The following SLC7A9 variants were observed in gnomAD, a reference collection of about 807,000 sequenced individuals.
The protein encoded by SLC7A9 is B(0,+)-type amino acid transporter 1.
In SLC7A9, 38 loss-of-function variants were observed where a neutral mutation model predicts 54.1. That is an observed-to-expected ratio of 0.70 (90% confidence interval 0.54 to 0.92). SLC7A9 has a LOEUF of 0.92. Among genes scored for constraint, SLC7A9 ranks in the 40% least tolerant of loss-of-function variants. The pLI is 0.00. For missense variants in SLC7A9, 537 were observed against 636.1 expected (o/e 0.84, Z 1.68); for synonymous variants, 264 against 258.9 (o/e 1.02, Z -0.19).
rs1254632684 is a variant in SLC7A9 at position 32,862,199 on chromosome 19, T to C, written c.623A>G (p.Asp208Gly). The change falls in exon 6 of 13, where the codon GAT (aspartate) becomes GGT (glycine). Residue 208 changes from aspartate to glycine, a missense_variant. Physicochemically the swap from Asp to Gly is moderately conservative, Grantham distance 94. Coordinates refer to ENST00000023064, the MANE Select transcript of SLC7A9 (RefSeq NM_014270.5). ...LLAQGNTKNF[D>G]NSFEGAQLSV... is the part of the protein sequence containing the mutation. ...CAGCTGGGCGCCCTCGAAAGAATTA[T>C]CAAAATTCTTTGTGTTTCCTGTAAT... The C allele has an allele frequency of 1.2e-6, 2 of 1,613,908 alleles. No individual in the cohort carries two copies. Among genetic ancestry groups the C allele is most frequent in the East Asian group, 2.2e-5 (1 of 44,888 alleles).
intron 9 of SLC7A9, among the ~76,000 whole-genome samples, chr19:32,847,297 A>G (rs956390583): frequency 7.9e-5 from 12 of 152,204 alleles, no homozygotes; most frequent in Non-Finnish European, 1.8e-4. Flanking sequence ...AAAAAAAATT[A>G]GACAAATGGA....
chr19:32,856,214 A>T (rs573993530), intron 9 of SLC7A9, among the ~76,000 whole-genome samples: 53 of 143,286 alleles, frequency 3.7e-4, no homozygotes, highest in Non-Finnish European at 6.5e-4. Context: ...TTTTTTTCTG[A>T]GACGGAGTCT....
intron 9 of SLC7A9, among the ~76,000 whole-genome samples, chr19:32,857,916 G>C (rs548649374): frequency 4.5e-4 from 69 of 152,326 alleles, no homozygotes; most frequent in African/African-American, 1.6e-3. Context: ...ATCTGTGACA[G>C]AGGTTTATGC....
intron 9 of SLC7A9, among the ~76,000 whole-genome samples, chr19:32,850,246 C>T (rs1039012314): frequency 1.3e-5 from 2 of 149,200 alleles, no homozygotes; most frequent in Non-Finnish European, 3.0e-5. Context: ...CAAATTGTCC[C>T]TGTTTGCAGA....
At chr19:32,869,166 T>C (rs1020711239) in intron 1 of SLC7A9, among the ~76,000 whole-genome samples, 4 of 151,724 alleles carry the variant, frequency 2.6e-5, no homozygotes, top group Non-Finnish European at 5.9e-5. Context: ...GAGGCTGCAG[T>C]GAGCCAAGAT....
At chr19:32,859,139 G>A (rs539418999) in intron 8 of SLC7A9, among the ~76,000 whole-genome samples, 8 of 151,846 alleles carry the variant, frequency 5.3e-5, no homozygotes, top group South Asian at 2.1e-4. Flanking sequence ...TTGCTCTGTC[G>A]CCCAGGCTGG....
intron 11 of SLC7A9, among the ~76,000 whole-genome samples, chr19:32,837,654 A>G (rs1968001943): frequency 6.6e-6 from 1 of 152,172 alleles, no homozygotes; most frequent in South Asian, 2.1e-4. Context: ...TTGTTGACCA[A>G]TGACTGCCTT....
At chr19:32,837,195 T>A (rs922192780) in intron 11 of SLC7A9, among the ~76,000 whole-genome samples, 2 of 152,100 alleles carry the variant, frequency 1.3e-5, no homozygotes, top group African/African-American at 4.8e-5. Flanking sequence ...AAATTCACCA[T>A]AGGAAACCTC....
chr19:32,854,877 T>A (rs2145831028), intron 9 of SLC7A9, among the ~76,000 whole-genome samples: 1 of 152,250 alleles, frequency 6.6e-6, no homozygotes, highest in East Asian at 1.9e-4. Flanking sequence ...CGTGAGCCAC[T>A]GCACCTGGCC....
intron 8 of SLC7A9, among the ~76,000 whole-genome samples, chr19:32,859,496 C>T (rs1968729041): frequency 6.6e-6 from 1 of 152,096 alleles, no homozygotes; most frequent in South Asian, 2.1e-4. Context: ...GACCCCAATG[C>T]CTCTCACCTC....
At chr19:32,832,820 G>A (rs1967843769) in intron 12 of SLC7A9, 1 of 312,386 alleles carries the variant, frequency 3.2e-6, no homozygotes, top group African/African-American at 2.2e-5. Flanking sequence ...CAGGTGGGAG[G>A]ATGGCTTGAG....
In SLC7A9 at chr19:32,844,857, C is replaced by CAAAAAAA. The variant is rs386388892; in HGVS notation, c.978-913_978-907dup. Among the ~76,000 whole-genome samples the CAAAAAAA allele has an allele frequency of 1.1e-3, 34 of 30,314 alleles. 6 individuals carry two copies. Among genetic ancestry groups the CAAAAAAA allele is most frequent in the Admixed American group, 1.4e-3 (2 of 1,420 alleles). 19.9% of individuals were successfully genotyped at this position (30,314 alleles called of 152,430 possible). A position where few individuals can be genotyped will look rare whatever the true frequency, so the allele number is the denominator to read the frequency against. On this transcript the variant is annotated intron_variant, in intron 9 of 12. Transcript: ENST00000023064. ...TGGACGACAGAGTGAGAATCCATCT[C>CAAAAAAA]AAAAAAAAAAAAAAAAAAAAAAAAA...
intron 4 of SLC7A9, 32 bp from the exon 5 acceptor site, chr19:32,862,618 G>A: frequency 6.2e-7 from 1 of 1,612,050 alleles, no homozygotes; most frequent in Non-Finnish European, 8.5e-7. Flanking sequence ...CTGCATTTAT[G>A]GTTTTCAGCA....
rs185844362 is a variant in SLC7A9, at chr19:32,846,473, G to A, written c.978-2522C>T. 7.6e-3 allele frequency among the ~76,000 whole-genome samples: 1,160 copies of A among 152,332 alleles called. 6 individuals are homozygous for A. The highest frequency in any genetic ancestry group is 0.021 in the Admixed American group (323 of 15,294). ...AAGGCGGCAGCGAGGCTGGGGGAGG[G>A]GCGCCTGCCATTGCCCAGGCTTGAT... On this transcript the variant is annotated intron_variant, in intron 9 of 12. Coordinates refer to ENST00000023064, the MANE Select transcript of SLC7A9 (RefSeq NM_014270.5).
At chr19:32,868,894 CA>C (rs1282321666) in intron 1 of SLC7A9, among the ~76,000 whole-genome samples, 2 of 151,506 alleles carry the variant, frequency 1.3e-5, no homozygotes, top group Non-Finnish European at 2.9e-5. Flanking sequence ...CATTTTTTTT[CA>C]AAAGTAAAAA....
intron 4 of SLC7A9, 100 bp downstream of exon 4, chr19:32,863,996 C>T: frequency 6.3e-7 from 1 of 1,576,024 alleles, no homozygotes; most frequent in Non-Finnish European, 8.7e-7. Flanking sequence ...CCTGCCTGGG[C>T]TCTCACCAGA....
In SLC7A9 at chr19:32,860,364, C is replaced by T. The variant is rs569935090; in HGVS notation, c.749+242G>A. On this transcript the variant is annotated intron_variant, in intron 7 of 12. Coordinates refer to ENST00000023064, the MANE Select transcript of SLC7A9 (RefSeq NM_014270.5). ...TTGAGGTTGGGAGTTCAAGACCAGC[C>T]TGGCCAACATGGCAAAATCTCATCT... 6 of 1,358,286 alleles carry T rather than the reference C, an allele frequency of 4.4e-6. No homozygotes were observed. The African/African-American group carries it at 8.8e-5, about 20-fold the overall frequency. 84.1% of individuals were successfully genotyped at this position (1,358,286 alleles called of 1,614,324 possible).
intron 11 of SLC7A9, among the ~76,000 whole-genome samples, chr19:32,838,535 ATTTG>A (rs1198650276): frequency 2.1e-5 from 3 of 142,250 alleles, no homozygotes; most frequent in Admixed American, 7.1e-5. Context: ...TGCTATATAT[ATTTG>A]TTGTATATAT....
intron 11 of SLC7A9, among the ~76,000 whole-genome samples, chr19:32,839,552 C>CAA (rs913100576): frequency 0.032 from 2,621 of 82,646 alleles, 118 homozygotes; most frequent in African/African-American, 0.11. Flanking sequence ...CACTCCGTCT[C>CAA]AAAAAAAAAA....
Sources: gnomAD v4.1 joint callset for allele counts (sites outside exome capture counted in the v4.1 genomes callset) on GRCh38, gnomAD v4.1.1 for gene constraint, MANE v1.5 for transcripts, NCBI Gene and HGNC (gene_info 2026-07-23, HGNC 2026-07-21) for gene names.